CRYBG1: variants seen among roughly 807,000 people sequenced by gnomAD.
CRYBG1 encodes beta/gamma crystallin domain-containing protein 1.
A neutral mutation model predicts 189.2 loss-of-function variants in CRYBG1; 139 were observed. That is an observed-to-expected ratio of 0.73 (90% confidence interval 0.64 to 0.85). The LOEUF (loss-of-function observed/expected upper bound fraction) is 0.85. Ranked by LOEUF, CRYBG1 falls within the 40% of genes least tolerant of loss-of-function variation. The pLI is 0.00. For missense variants in CRYBG1, 2,611 were observed against 2,675.8 expected, an observed-to-expected ratio of 0.98 and a Z score of 0.53; for synonymous variants, 1,023 against 1,017.1, an observed-to-expected ratio of 1.01 and a Z score of -0.11.
intron 2 of CRYBG1, among the ~76,000 whole-genome samples, chr6:106,468,746 A>G (rs1772163622): frequency 6.6e-6 from 1 of 152,228 alleles, no homozygotes; most frequent in Non-Finnish European, 1.5e-5. Context: ...GAAAACATGT[A>G]GATGTGATAC....
chr6:106,436,050 G>A (rs1271914274), intron 1 of CRYBG1, among the ~76,000 whole-genome samples: 1 of 152,094 alleles, frequency 6.6e-6, no homozygotes, highest in South Asian at 2.1e-4. Context: ...TCCATCATCG[G>A]AGTTTTACCT....
chr6:106,561,313 TAAC>T, intron 19 of CRYBG1, 26 bp from the exon 20 acceptor site: 1 of 1,609,248 alleles, frequency 6.2e-7, no homozygotes, highest in Non-Finnish European at 8.5e-7. Context: ...ACATCTGGTA[TAAC>T]AACTGCTGGG....
chr6:106,532,433 T>C (rs1773899166), intron 8 of CRYBG1, among the ~76,000 whole-genome samples: 1 of 152,208 alleles, frequency 6.6e-6, no homozygotes. Context: ...AGTAGTGAGA[T>C]TGCAAGATCA....
chr6:106,514,688 C>T (rs996066752), intron 3 of CRYBG1, among the ~76,000 whole-genome samples: 2 of 152,060 alleles, frequency 1.3e-5, no homozygotes, highest in Non-Finnish European at 2.9e-5. Flanking sequence ...TAGAAGACAC[C>T]AGTAGAAAAA....
rs1351423387 is a variant in CRYBG1 at position 106,511,641 on chromosome 6, T to C, written c.524T>C (p.Leu175Pro). The stretch of plus-strand genomic sequence containing the variant: ...AGGAGCAGATCTCAGAGCAGCCAAC[T>C]GAAGCAAACGGACACAAGCGAGGAG... ...SERSRSQSSQ[L>P]KQTDTSEEGS... Residue 175 changes from leucine (L) to proline (P), a missense_variant, in exon 3 of 22, where the codon CTG becomes CCG. By Grantham distance (98) the Leu-to-Pro change is moderately conservative. This residue lies in a region of CRYBG1 where 985 missense variants were observed against 924.4 expected (regional missense o/e 1.07). Coordinates refer to ENST00000633556, the MANE Select transcript of CRYBG1 (RefSeq NM_001371242.2). The C allele has an allele frequency of 1.0e-5, 16 of 1,535,638 alleles. No homozygotes were observed. Among genetic ancestry groups the C allele is most frequent in the African/African-American group, 2.7e-5 (2 of 73,004 alleles).
chr6:106,462,622 C>T (rs766068651), intron 2 of CRYBG1, among the ~76,000 whole-genome samples: 1 of 152,208 alleles, frequency 6.6e-6, no homozygotes, highest in Non-Finnish European at 1.5e-5. Flanking sequence ...TATATTCTCT[C>T]AAAAGCCACT....
rs1431149995 is a variant in CRYBG1 at position 106,519,847 on chromosome 6, C to T, written c.2639C>T (p.Ala880Val). 1.2e-6 allele frequency: 2 copies of T among 1,614,126 alleles called. No individual in the cohort carries two copies. Among genetic ancestry groups the T allele is most frequent in the Non-Finnish European group, 8.5e-7 (1 of 1,180,060 alleles). The part of the protein sequence containing the change: ...PGPSLSLSAP[A>V]PGDVPKDTCV... Reference sequence around the variant, plus strand: ...CCTTCTCTTTCACTGTCTGCACCCGCTCCTGGGGATGTTCCCAAAGACACA... The same window carrying T: ...CCTTCTCTTTCACTGTCTGCACCCGTTCCTGGGGATGTTCCCAAAGACACA... The change falls in exon 4 of 22, where the codon GCT (alanine) becomes GTT (valine). Residue 880 changes from alanine (A) to valine (V), a missense_variant. Physicochemically the swap from Ala to Val is moderately conservative, Grantham distance 64. This residue lies in a region of CRYBG1 where 1,622 missense variants were observed against 1,735.0 expected (regional missense o/e 0.93). Coordinates refer to ENST00000633556, the MANE Select transcript of CRYBG1 (RefSeq NM_001371242.2).
intron 2 of CRYBG1, among the ~76,000 whole-genome samples, chr6:106,492,430 A>T (rs6568442): frequency 0.021 from 3,201 of 151,990 alleles, 133 homozygotes; most frequent in African/African-American, 0.074. Flanking sequence ...GAATTAGATT[A>T]GTATTAGATT....
At chr6:106,525,914 A>G (rs112075682) in intron 6 of CRYBG1, among the ~76,000 whole-genome samples, 1 of 152,126 alleles carries the variant, frequency 6.6e-6, no homozygotes, top group African/African-American at 2.4e-5. Flanking sequence ...GCACTAACTT[A>G]AAATTTAATT....
intron 21 of CRYBG1, among the ~76,000 whole-genome samples, chr6:106,564,440 A>T (rs767386879): frequency 6.6e-6 from 1 of 152,274 alleles, no homozygotes; most frequent in Non-Finnish European, 1.5e-5. Context: ...CAGGATTTCA[A>T]TGCAACATGT....
intron 2 of CRYBG1, among the ~76,000 whole-genome samples, chr6:106,499,295 G>A (rs1772944120): frequency 6.7e-6 from 1 of 150,270 alleles, no homozygotes; most frequent in African/African-American, 2.4e-5. Context: ...TGGGATTACA[G>A]GTGCCGGCCA....
At chr6:106,387,133 A>G (rs1770407234) in intron 1 of CRYBG1, among the ~76,000 whole-genome samples, 1 of 152,250 alleles carries the variant, frequency 6.6e-6, no homozygotes, top group Admixed American at 6.5e-5. Flanking sequence ...CCAAGTTAAT[A>G]AGGAATAAGG....
chr6:106,385,243 A>G (rs146022130), intron 1 of CRYBG1, among the ~76,000 whole-genome samples: 53 of 152,310 alleles, frequency 3.5e-4, no homozygotes, highest in African/African-American at 1.1e-3. Context: ...TGTGCTCTGC[A>G]TCCATCTCCT....
At chr6:106,534,564 T>G (rs1245484169) in intron 8 of CRYBG1, among the ~76,000 whole-genome samples, 2 of 152,178 alleles carry the variant, frequency 1.3e-5, no homozygotes, top group Non-Finnish European at 2.9e-5. Flanking sequence ...TAGAGGGAAC[T>G]CCTTAAGAAT....
At chr6:106,547,993 GTGT>G (rs1040689278) in intron 13 of CRYBG1, among the ~76,000 whole-genome samples, 2 of 152,212 alleles carry the variant, frequency 1.3e-5, no homozygotes, top group Non-Finnish European at 2.9e-5. Context: ...AAAACGAAAA[GTGT>G]TGTTGTTTTA....
At chr6:106,565,118 G>C (rs775816938) in intron 21 of CRYBG1, among the ~76,000 whole-genome samples, 1 of 152,076 alleles carries the variant, frequency 6.6e-6, no homozygotes, top group Non-Finnish European at 1.5e-5. Context: ...AGGAGATCGA[G>C]ACCATCCTGG....
In CRYBG1 at chr6:106,555,888, T is replaced by C; in HGVS notation, c.5706T>C (p.Phe1902=). The change falls in exon 17 of 22, where the codon TTT becomes TTC. Residue 1902 remains phenylalanine (F), a synonymous_variant. Transcript: ENST00000633556. ...PPGATFKSLR[F]IDVEFSEPTI... ...GAGCAACTTTCAAGTCTCTTCGTTT[T>C]ATAGATGTTGTAAGTATGTCATTGT... 1.4e-5 allele frequency: 22 copies of C among 1,614,180 alleles called. No homozygotes were observed. The highest frequency in any genetic ancestry group is 1.7e-5 in the Non-Finnish European group (20 of 1,180,006).
rs144353954 is a variant in CRYBG1, at chr6:106,427,201, G to A, written c.174-24493G>A. Reference sequence around the variant, plus strand: ...ATCATCTGTATGATTCTGACTCCACGTTTATATCCCCAATATCCATCTCTG... The same window carrying A: ...ATCATCTGTATGATTCTGACTCCACATTTATATCCCCAATATCCATCTCTG... On this transcript the variant is annotated intron_variant, in intron 1 of 21. Transcript: ENST00000633556. Among the ~76,000 whole-genome samples the A allele has an allele frequency of 1.4e-3, 215 of 152,170 alleles. 2 individuals are homozygous for A. The highest frequency in any genetic ancestry group is 4.7e-3 in the African/African-American group (197 of 41,512).
intron 1 of CRYBG1, among the ~76,000 whole-genome samples, chr6:106,362,366 A>G (rs1026560158): frequency 2.0e-5 from 3 of 152,228 alleles, no homozygotes; most frequent in African/African-American, 7.2e-5. Flanking sequence ...GCGATATAAA[A>G]AACAATGAGA....
Sources: allele counts gnomAD v4.1 joint callset (sites outside exome capture counted in the v4.1 genomes callset), GRCh38; gene constraint gnomAD v4.1.1; regional missense constraint gnomAD v4.1.1; transcripts MANE v1.5; gene names NCBI Gene and HGNC (gene_info 2026-07-23, HGNC 2026-07-21).